The following CHRNA5 variants were observed in gnomAD, a reference collection of about 807,000 sequenced individuals.
CHRNA5 encodes neuronal acetylcholine receptor subunit alpha-5.
Under a neutral mutation model 41.2 loss-of-function variants are expected in CHRNA5, and 28 were observed. That is an observed-to-expected ratio of 0.68 (90% CI 0.50 to 0.93). The LOEUF is 0.93. Among genes scored for constraint, CHRNA5 ranks in the 40% least tolerant of loss-of-function variants. The pLI, the probability that CHRNA5 is intolerant of heterozygous loss-of-function variation, is 0.00. For missense variants in CHRNA5, 481 were observed against 581.9 expected, an observed-to-expected ratio of 0.83 and a Z score of 1.78; for synonymous variants, 188 against 205.8, an observed-to-expected ratio of 0.91 and a Z score of 0.74.
intron 5 of CHRNA5, among the ~76,000 whole-genome samples, chr15:78,592,499 TG>T (rs1274785901): frequency 6.6e-6 from 1 of 152,188 alleles, no homozygotes; most frequent in Non-Finnish European, 1.5e-5. Context: ...GCTTAGTGGC[TG>T]GGCTCATCCT....
chr15:78,567,252 CAAAAAAAAAAA>C (rs201126738), intron 1 of CHRNA5, among the ~76,000 whole-genome samples: 1 of 78,738 alleles, frequency 1.3e-5, no homozygotes, highest in Non-Finnish European at 2.7e-5. Context: ...GACTCCGTCT[CAAAAAAAAAAA>C]AAAAGAAAAG....
chr15:78,588,387 ACT>A lies in CHRNA5; in HGVS notation c.380_381del (p.Ser127CysfsTer10), dbSNP rs768655482. 3.2e-6 allele frequency: 5 copies of A among 1,583,718 alleles called. No individual in the cohort carries two copies. Among genetic ancestry groups the A allele is most frequent in the South Asian group, 2.3e-5 (2 of 86,222 alleles). On this transcript the variant is annotated frameshift_variant, in exon 4 of 6. Coordinates refer to ENST00000299565, the Ensembl canonical transcript of CHRNA5. LOFTEE classifies it high-confidence loss of function. This position sits in a 1 kb window ranked among gnomAD's most constrained non-coding sequence, Gnocchi z 4.1. Reference sequence around the variant, plus strand: ...ATAAAAGTTATACGTGTTCCTTCAGACTCTGTCTGGACACCAGACATCGTTTT... The same window carrying A: ...ATAAAAGTTATACGTGTTCCTTCAGACTGTCTGGACACCAGACATCGTTTT...
intron 2 of CHRNA5, among the ~76,000 whole-genome samples, chr15:78,582,841 T>A (rs964911865): frequency 6.6e-6 from 1 of 152,074 alleles, no homozygotes; most frequent in African/African-American, 2.4e-5. Context: ...ACAGGAGTGG[T>A]CTGACTGGAC....
intron 1 of CHRNA5, among the ~76,000 whole-genome samples, chr15:78,578,290 C>G (rs1352703492): frequency 6.6e-6 from 1 of 152,110 alleles, no homozygotes; most frequent in African/African-American, 2.4e-5. Context: ...GGTGGATCAC[C>G]TAAGGTCAGG....
chr15:78,570,114 G>C (rs969799726), intron 1 of CHRNA5, among the ~76,000 whole-genome samples: 1 of 152,092 alleles, frequency 6.6e-6, no homozygotes, highest in Non-Finnish European at 1.5e-5. Flanking sequence ...GAGCCACCGC[G>C]CCTGGCCTGG....
At chr15:78,583,067 A>G (rs2052928087) in intron 2 of CHRNA5, among the ~76,000 whole-genome samples, 1 of 151,554 alleles carries the variant, frequency 6.6e-6, no homozygotes, top group Admixed American at 6.6e-5. Context: ...TGCCCATTAC[A>G]CTCACTGGTA....
rs188713590 is a variant in CHRNA5, at chr15:78,568,200, C to T, written c.106+2375C>T. Among the ~76,000 whole-genome samples, 10 of 152,116 alleles carry T rather than the reference C, an allele frequency of 6.6e-5. No individual in the cohort carries two copies. In the East Asian group the frequency reaches 9.7e-4, roughly 15 times the overall value. On this transcript the variant is annotated intron_variant, in intron 1 of 5. Coordinates refer to ENST00000299565, the Ensembl canonical transcript of CHRNA5. ...AGGTAAAGAGAATATCTAGTCAGCCCGCAGCTATTATTTGGCTGATGAACG... is the reference window on the plus strand; with the variant it reads ...AGGTAAAGAGAATATCTAGTCAGCCTGCAGCTATTATTTGGCTGATGAACG...
At chr15:78,576,653 G>C (rs2052859958) in intron 1 of CHRNA5, among the ~76,000 whole-genome samples, 1 of 151,842 alleles carries the variant, frequency 6.6e-6, no homozygotes, top group Admixed American at 6.6e-5. Flanking sequence ...GTGGTGGAAC[G>C]CACCTGTAGT....
intron 1 of CHRNA5, among the ~76,000 whole-genome samples, chr15:78,579,544 G>C (rs527523376): frequency 6.6e-6 from 1 of 152,194 alleles, no homozygotes; most frequent in African/African-American, 2.4e-5. Flanking sequence ...GTGAGCCACC[G>C]CCTATTTATT....
intron 2 of CHRNA5, among the ~76,000 whole-genome samples, chr15:78,584,913 G>A (rs79571633): frequency 1.1e-3 from 171 of 152,124 alleles, no homozygotes; most frequent in African/African-American, 4.0e-3. Context: ...ACCAGTAATC[G>A]GTGCTGTGAC....
intron 1 of CHRNA5, among the ~76,000 whole-genome samples, chr15:78,576,458 T>G (rs1052771634): frequency 1.3e-5 from 2 of 152,152 alleles, no homozygotes; most frequent in African/African-American, 4.8e-5. Context: ...AGTCAACTAT[T>G]TTTAAGACAA....
exon 5 of CHRNA5, chr15:78,590,209 A>G (rs926986572): frequency 5.0e-6 from 8 of 1,613,960 alleles, no homozygotes; most frequent in African/African-American, 2.7e-5. Context: ...CTTGTCTTCT[A>G]TCTTCCTTCA....
At chr15:78,593,051 A>G (rs926158488) in intron 5 of CHRNA5, 41 bp from the exon 6 acceptor site, 3 of 1,588,804 alleles carry the variant, frequency 1.9e-6, no homozygotes, top group Non-Finnish European at 2.6e-6. Flanking sequence ...TATGTACACA[A>G]TTTACAATTA....
At chr15:78,585,309 C>T (rs1446265378) in intron 2 of CHRNA5, among the ~76,000 whole-genome samples, 2 of 152,164 alleles carry the variant, frequency 1.3e-5, no homozygotes, top group African/African-American at 4.8e-5. Context: ...TCTCCCCATG[C>T]AGGGACCTCA....
intron 2 of CHRNA5, among the ~76,000 whole-genome samples, chr15:78,583,839 A>G (rs1036989488): frequency 6.6e-6 from 1 of 152,218 alleles, no homozygotes; most frequent in Admixed American, 6.5e-5. Flanking sequence ...GAGATGACAG[A>G]TGAGAACAAG....
At chr15:78,584,618 T>C (rs2141415182) in intron 2 of CHRNA5, among the ~76,000 whole-genome samples, 1 of 152,376 alleles carries the variant, frequency 6.6e-6, no homozygotes, top group Admixed American at 6.5e-5. Flanking sequence ...TTGAAAGTGC[T>C]AAGTATTGAC....
At chr15:78,572,363 G>A (rs2052813556) in intron 1 of CHRNA5, among the ~76,000 whole-genome samples, 1 of 152,302 alleles carries the variant, frequency 6.6e-6, no homozygotes, top group Admixed American at 6.5e-5. Flanking sequence ...ATGCCAATCA[G>A]TGGTGAAAAC....
chr15:78,591,471 A>G (rs518425), intron 5 of CHRNA5, among the ~76,000 whole-genome samples: 59,045 of 151,558 alleles, frequency 0.39, 12,966 homozygotes, highest in East Asian at 0.79. Flanking sequence ...TCTATTGTGT[A>G]TTATTTTAAA....
intron 1 of CHRNA5, among the ~76,000 whole-genome samples, chr15:78,569,850 T>TCA (rs2052784894): frequency 6.6e-6 from 1 of 152,078 alleles, no homozygotes; most frequent in Admixed American, 6.5e-5. Flanking sequence ...AGACAGAGTC[T>TCA]CACTCTGTCG....
Sources: gnomAD v4.1 joint callset for allele counts (sites outside exome capture counted in the v4.1 genomes callset) on GRCh38, gnomAD v4.1.1 for gene constraint, Gnocchi (gnomAD v3.1) non-coding constraint, MANE v1.5 for transcripts, NCBI Gene and HGNC (gene_info 2026-07-23, HGNC 2026-07-21) for gene names.